MSRA: variants seen among roughly 807,000 people sequenced by gnomAD.
The protein encoded by MSRA is methionine sulfoxide reductase A.
MSRA carries 54 observed loss-of-function variants against 31.3 expected under a neutral mutation model. The observed-to-expected ratio is 1.73, with a 90% CI of 1.39 to 2.17. The LOEUF (loss-of-function observed/expected upper bound fraction) is 2.17. Ranked by LOEUF, MSRA falls within the 30% of genes most tolerant of loss-of-function variation. MSRA has a pLI of 0.00. For missense variants in MSRA, 507 were observed against 300.9 expected, an observed-to-expected ratio of 1.69 and a Z score of -5.07; for synonymous variants, 169 against 116.5, an observed-to-expected ratio of 1.45 and a Z score of -2.90.
At chr8:10,402,057 A>C (rs189651823) in intron 5 of MSRA, among the ~76,000 whole-genome samples, 2 of 152,220 alleles carry the variant, frequency 1.3e-5, no homozygotes, top group South Asian at 2.1e-4. Context: ...ATTATGTTAC[A>C]TATATTTTAC....
chr8:10,339,421 T>C (rs1358970918), intron 5 of MSRA, among the ~76,000 whole-genome samples: 1 of 152,190 alleles, frequency 6.6e-6, no homozygotes, highest in Non-Finnish European at 1.5e-5. Context: ...TCTATTTAGA[T>C]GTCAACATGT....
chr8:10,425,439 A>AGGG (rs1230264806), intron 5 of MSRA, among the ~76,000 whole-genome samples: 15 of 152,324 alleles, frequency 9.8e-5, no homozygotes, highest in Non-Finnish European at 1.9e-4. Context: ...GTGGCTGCGA[A>AGGG]GGGAGGAGGA....
rs138894653 is a variant in MSRA at position 10,092,572 on chromosome 8, C to T, written c.142+37914C>T. On this transcript the variant is annotated intron_variant, in intron 1 of 5. Coordinates refer to ENST00000317173, the MANE Select transcript of MSRA (RefSeq NM_012331.5). ...ACTTGGGAGGCTGAGGCAGGAGAAT[C>T]GCTTGAATCCAGGAAGTGGAGGTTG... Among the ~76,000 whole-genome samples, 22 of 151,864 alleles carry T rather than the reference C, an allele frequency of 1.4e-4. No individual in the cohort carries two copies. In the East Asian group the frequency reaches 2.1e-3, roughly 15 times the overall value.
intron 2 of MSRA, among the ~76,000 whole-genome samples, chr8:10,226,030 T>C (rs1296686789): frequency 6.6e-6 from 1 of 152,234 alleles, no homozygotes; most frequent in Non-Finnish European, 1.5e-5. Context: ...GAGCTCATGA[T>C]GCTAGTCAAG....
chr8:10,391,006 C>T (rs1806710497), intron 5 of MSRA, among the ~76,000 whole-genome samples: 1 of 151,304 alleles, frequency 6.6e-6, no homozygotes. Flanking sequence ...GCACAAGGTG[C>T]TGTGCTCTGA....
chr8:10,235,778 G>T (rs992414985), intron 2 of MSRA, among the ~76,000 whole-genome samples: 3 of 152,130 alleles, frequency 2.0e-5, no homozygotes, highest in African/African-American at 4.8e-5. Context: ...ACATAGGAGA[G>T]AAAATAAGAA....
rs572737991 is a variant in MSRA, at chr8:10,220,061, T to A, written c.211+12160T>A. Among the ~76,000 whole-genome samples, 8 of 152,124 alleles carry A rather than the reference T, an allele frequency of 5.3e-5. No individual in the cohort carries two copies. In the South Asian group the frequency reaches 1.7e-3, roughly 32 times the overall value. ...TGGCATACCTTAGGCCCAAGTAGTGTGAACAGTGATGCAAGAACCTGTGAA... is the reference window on the plus strand; with the variant it reads ...TGGCATACCTTAGGCCCAAGTAGTGAGAACAGTGATGCAAGAACCTGTGAA... On this transcript the variant is annotated intron_variant, in intron 2 of 5. Transcript: ENST00000317173.
chr8:10,244,348 G>T (rs1474469074), intron 2 of MSRA, among the ~76,000 whole-genome samples: 1 of 152,196 alleles, frequency 6.6e-6, no homozygotes. Context: ...GCGTGAGTGT[G>T]TGTGCTCTTG....
intron 5 of MSRA, among the ~76,000 whole-genome samples, chr8:10,356,910 AT>A (rs370956646): frequency 0.032 from 1,803 of 55,842 alleles, 57 homozygotes; most frequent in East Asian, 0.1. Context: ...AAAAAAAAAA[AT>A]ATATGTGTCT....
At chr8:10,237,019 A>T (rs1310759906) in intron 2 of MSRA, among the ~76,000 whole-genome samples, 2 of 152,214 alleles carry the variant, frequency 1.3e-5, no homozygotes, top group South Asian at 2.1e-4. Context: ...GATAGTACAA[A>T]CACTCACTGC....
chr8:10,362,501 G>T (rs1266985101), intron 5 of MSRA, among the ~76,000 whole-genome samples: 1 of 146,088 alleles, frequency 6.8e-6, no homozygotes, highest in African/African-American at 2.5e-5. Context: ...GTATATTTAA[G>T]GCTGTGGGTG....
intron 3 of MSRA, among the ~76,000 whole-genome samples, chr8:10,272,581 A>G (rs1408046056): frequency 6.6e-6 from 1 of 152,206 alleles, no homozygotes. Context: ...TCATCCAGAA[A>G]CACCCTCACA....
intron 1 of MSRA, chr8:10,095,871 T>A: frequency 1.6e-6 from 2 of 1,278,098 alleles, no homozygotes; most frequent in Non-Finnish European, 2.0e-6. Context: ...AATACTATAT[T>A]TGATTTTTTG....
intron 1 of MSRA, among the ~76,000 whole-genome samples, chr8:10,125,384 C>A (rs1357099429): frequency 1.3e-5 from 2 of 152,070 alleles, no homozygotes; most frequent in Non-Finnish European, 2.9e-5. Flanking sequence ...TTGACCCAAG[C>A]CTGGAAGGAG....
In MSRA at chr8:10,222,941, C is replaced by G. The variant is rs528330578; in HGVS notation, c.211+15040C>G. ...TAATACATTGTACACTTGAAAATTG[C>G]TAAGAGAGTAGATTTTAAATGTTCT... is the stretch of plus-strand genomic sequence containing the variant. On this transcript the variant is annotated intron_variant, in intron 2 of 5. Coordinates refer to ENST00000317173, the MANE Select transcript of MSRA (RefSeq NM_012331.5). 7.9e-5 allele frequency among the ~76,000 whole-genome samples: 12 copies of G among 152,156 alleles called. No homozygotes were observed. The East Asian group carries it at 1.5e-3, about 20-fold the overall frequency.
intron 5 of MSRA, among the ~76,000 whole-genome samples, chr8:10,404,848 C>A (rs769115222): frequency 8.5e-5 from 13 of 152,206 alleles, no homozygotes; most frequent in Admixed American, 8.5e-4. Flanking sequence ...TGTCCCACTT[C>A]CCAAGCACGG....
chr8:10,383,296 C>A (rs1806188709), intron 5 of MSRA, among the ~76,000 whole-genome samples: 1 of 152,178 alleles, frequency 6.6e-6, no homozygotes, highest in South Asian at 2.1e-4. Flanking sequence ...ATCTGAATGT[C>A]AGCATGCAAA....
intron 5 of MSRA, among the ~76,000 whole-genome samples, chr8:10,344,160 G>T (rs1464160556): frequency 6.6e-6 from 1 of 152,162 alleles, no homozygotes; most frequent in African/African-American, 2.4e-5. Flanking sequence ...GAGAAGACCT[G>T]GATTCTCATA....
chr8:10,142,082 C>A (rs547052126), intron 1 of MSRA, among the ~76,000 whole-genome samples: 15 of 152,286 alleles, frequency 9.8e-5, no homozygotes, highest in Non-Finnish European at 1.5e-4. Context: ...TCTCAGACTG[C>A]CGAGTAGCTG....
Sources: allele counts gnomAD v4.1 joint callset (sites outside exome capture counted in the v4.1 genomes callset), GRCh38; gene constraint gnomAD v4.1.1; transcripts MANE v1.5; gene names NCBI Gene and HGNC (gene_info 2026-07-23, HGNC 2026-07-21).